The following CCDC102B variants were observed in gnomAD, a reference collection of about 807,000 sequenced individuals.
CCDC102B encodes the protein coiled-coil domain containing 102B.
In CCDC102B, 75 loss-of-function variants were observed where a neutral mutation model predicts 57.4. That is an observed-to-expected ratio of 1.31 (90% CI 1.08 to 1.58). The LOEUF (loss-of-function observed/expected upper bound fraction) is 1.58. Among genes scored for constraint, CCDC102B ranks in the 40% most tolerant of loss-of-function variants. The probability of loss-of-function intolerance (pLI) is 0.00; values close to 1 mark genes in which losing one functional copy is unlikely to be tolerated. For synonymous variants in CCDC102B, 206 were observed against 201.9 expected (o/e 1.02, Z -0.17); for missense variants, 636 against 582.6 (o/e 1.09, Z -0.94).
At chr18:68,751,568 G>T (rs2145246787) in intron 2 of CCDC102B, among the ~76,000 whole-genome samples, 1 of 152,302 alleles carries the variant, frequency 6.6e-6, no homozygotes, top group Middle Eastern at 3.4e-3. Context: ...CAAGAAGGCA[G>T]AGCATCACCT....
At chr18:69,014,708 TTG>T (rs1007723512) in intron 7 of CCDC102B, among the ~76,000 whole-genome samples, 6 of 151,846 alleles carry the variant, frequency 4.0e-5, no homozygotes, top group South Asian at 4.2e-4. Flanking sequence ...GGTGTTTTTT[TTG>T]TGTGTGTGTG....
At chr18:68,993,731 G>A (rs955233499) in intron 6 of CCDC102B, among the ~76,000 whole-genome samples, 1 of 152,142 alleles carries the variant, frequency 6.6e-6, no homozygotes, top group Non-Finnish European at 1.5e-5. Context: ...CTTGATGGAT[G>A]TACATATATA....
intron 7 of CCDC102B, among the ~76,000 whole-genome samples, chr18:69,030,210 C>T (rs1414951589): frequency 1.3e-5 from 2 of 152,104 alleles, no homozygotes; most frequent in Non-Finnish European, 2.9e-5. Context: ...TTAAAAATTA[C>T]TCTGCTATCC....
intron 6 of CCDC102B, among the ~76,000 whole-genome samples, chr18:69,005,350 C>T (rs578078580): frequency 1.9e-4 from 29 of 151,960 alleles, no homozygotes; most frequent in African/African-American, 5.8e-4. Context: ...TATGGTAAAT[C>T]GTATGTTACA....
rs181501082 is a variant in CCDC102B, at chr18:68,963,824, T to C, written c.1264-47110T>C. ...GTATATATGTATGTATGTATGTATG[T>C]ATGTATGCATGCATGTACTTATTTT... On this transcript the variant is annotated intron_variant, in intron 6 of 7. Coordinates refer to ENST00000360242, the MANE Select transcript of CCDC102B (RefSeq NM_024781.3). Among the ~76,000 whole-genome samples, 482 of 152,016 alleles carry C rather than the reference T, an allele frequency of 3.2e-3. 5 individuals carry two copies. The highest frequency in any genetic ancestry group is 0.011 in the African/African-American group (457 of 41,538).
At chr18:69,046,367 A>G (rs1007111982) in intron 7 of CCDC102B, among the ~76,000 whole-genome samples, 2 of 152,132 alleles carry the variant, frequency 1.3e-5, no homozygotes, top group African/African-American at 4.8e-5. Flanking sequence ...GCATTTTATA[A>G]TATGCTTATT....
chr18:69,038,609 A>G (rs1316538624), intron 7 of CCDC102B, among the ~76,000 whole-genome samples: 1 of 151,994 alleles, frequency 6.6e-6, no homozygotes, highest in Non-Finnish European at 1.5e-5. Flanking sequence ...CCTGCCAGTG[A>G]TAATTTCCAC....
intron 6 of CCDC102B, among the ~76,000 whole-genome samples, chr18:69,002,128 CA>C (rs1381599740): frequency 1.3e-5 from 2 of 152,068 alleles, no homozygotes; most frequent in Non-Finnish European, 2.9e-5. Context: ...ACAATTAAAA[CA>C]ACAACACTGA....
chr18:69,046,520 A>T (rs185456938), intron 7 of CCDC102B, among the ~76,000 whole-genome samples: 1 of 152,198 alleles, frequency 6.6e-6, no homozygotes, highest in East Asian at 1.9e-4. Flanking sequence ...TGGTTTGCAA[A>T]AAATTTCTCT....
chr18:68,768,225 C>G (rs1599432499), intron 2 of CCDC102B, among the ~76,000 whole-genome samples: 1 of 152,190 alleles, frequency 6.6e-6, no homozygotes, highest in South Asian at 2.1e-4. Context: ...AAACCAAGGT[C>G]TCCTCTGAAG....
intron 7 of CCDC102B, among the ~76,000 whole-genome samples, chr18:69,020,989 A>G (rs943574553): frequency 1.3e-5 from 2 of 152,224 alleles, no homozygotes; most frequent in African/African-American, 4.8e-5. Context: ...GTGTTTTGCT[A>G]AACACATTAT....
At chr18:68,733,478 T>TTTTATA (rs1555695149) in intron 2 of CCDC102B, among the ~76,000 whole-genome samples, 3 of 25,130 alleles carry the variant, frequency 1.2e-4, no homozygotes, top group Admixed American at 4.3e-4. Context: ...TTAGACAACT[T>TTTTATA]TATATATATA....
chr18:68,810,699 T>TTTTG (rs1378735722), intron 1 of CCDC102B, among the ~76,000 whole-genome samples: 1 of 146,516 alleles, frequency 6.8e-6, no homozygotes, highest in East Asian at 2.0e-4. Flanking sequence ...TTTTTTTTTT[T>TTTTG]TTTTTTTTAT....
At chr18:68,977,750 G>C (rs2050477908) in intron 6 of CCDC102B, among the ~76,000 whole-genome samples, 1 of 152,016 alleles carries the variant, frequency 6.6e-6, no homozygotes, top group Middle Eastern at 3.4e-3. Flanking sequence ...CAATTAATTT[G>C]AGTAAAACTA....
intron 6 of CCDC102B, among the ~76,000 whole-genome samples, chr18:68,973,878 A>C (rs1599776525): frequency 6.6e-6 from 1 of 152,124 alleles, no homozygotes; most frequent in African/African-American, 2.4e-5. Flanking sequence ...TTTTAAGTAC[A>C]AAATGGTGAT....
chr18:68,874,322 G>T (rs532561978), intron 4 of CCDC102B, among the ~76,000 whole-genome samples: 1 of 151,652 alleles, frequency 6.6e-6, no homozygotes, highest in Non-Finnish European at 1.5e-5. Flanking sequence ...GAATACTGAG[G>T]TACTAATATT....
At chr18:68,817,936 A>G (rs145154917) in intron 1 of CCDC102B, among the ~76,000 whole-genome samples, 68 of 152,346 alleles carry the variant, frequency 4.5e-4, no homozygotes, top group African/African-American at 1.6e-3. Flanking sequence ...GCATGAATCA[A>G]CTAGAATTTT....
intron 6 of CCDC102B, among the ~76,000 whole-genome samples, chr18:68,913,182 CCTTT>C (rs2040933751): frequency 6.6e-6 from 1 of 152,080 alleles, no homozygotes; most frequent in Non-Finnish European, 1.5e-5. Context: ...CATTTGGCAG[CCTTT>C]CTAATTCTCT....
At chr18:68,837,491 T>G in intron 2 of CCDC102B, 122 bp downstream of exon 2, 2 of 890,130 alleles carry the variant, frequency 2.2e-6, no homozygotes, top group Non-Finnish European at 1.7e-6. Context: ...CATAACAAAG[T>G]ACCATAATCA....
Sources: allele counts gnomAD v4.1 joint callset (sites outside exome capture counted in the v4.1 genomes callset), GRCh38; gene constraint gnomAD v4.1.1; transcripts MANE v1.5; gene names NCBI Gene and HGNC (gene_info 2026-07-23, HGNC 2026-07-21).